Variants in CTNNA2 observed in about 807,000 individuals in gnomAD.
The protein encoded by CTNNA2 is catenin alpha 2, also known as catenin alpha-2.
A neutral mutation model predicts 101.0 loss-of-function variants in CTNNA2; 42 were observed. That is an observed-to-expected ratio of 0.42 (90% CI 0.32 to 0.54). The LOEUF is 0.54. Ranked by LOEUF, CTNNA2 falls within the 20% of genes least tolerant of loss-of-function variation. The probability of loss-of-function intolerance (pLI) is 0.14; values close to 1 mark genes in which losing one functional copy is unlikely to be tolerated. For synonymous variants in CTNNA2, 450 were observed against 456.4 expected (o/e 0.99, Z 0.18); for missense variants, 871 against 1,223.1 (o/e 0.71, Z 4.29).
intron 4 of CTNNA2, among the ~76,000 whole-genome samples, chr2:79,463,181 G>A (rs1256748117): frequency 6.6e-6 from 1 of 152,140 alleles, no homozygotes; most frequent in Non-Finnish European, 1.5e-5. Context: ...GGAGGCCGAG[G>A]CAGGAGGATC....
At chr2:80,086,096 A>G (rs1192203745) in intron 7 of CTNNA2, among the ~76,000 whole-genome samples, 1 of 152,108 alleles carries the variant, frequency 6.6e-6, no homozygotes, top group African/African-American at 2.4e-5. Context: ...ATAGAAGACA[A>G]TAAGGTGATT....
At chr2:79,926,272 A>T (rs892348467) in intron 7 of CTNNA2, among the ~76,000 whole-genome samples, 3 of 152,158 alleles carry the variant, frequency 2.0e-5, no homozygotes, top group Non-Finnish European at 2.9e-5. Context: ...TGTCTTATAG[A>T]GTACGATACT....
intron 4 of CTNNA2, among the ~76,000 whole-genome samples, chr2:79,406,776 A>G (rs886412536): frequency 6.6e-6 from 1 of 151,946 alleles, no homozygotes; most frequent in Non-Finnish European, 1.5e-5. Context: ...GAAACATCAC[A>G]TATCAACCTT....
chr2:80,126,948 C>G (rs1033857596), intron 7 of CTNNA2, among the ~76,000 whole-genome samples: 6 of 152,150 alleles, frequency 3.9e-5, no homozygotes, highest in African/African-American at 1.4e-4. Flanking sequence ...GAACTCTGTT[C>G]TGTGTTTCCT....
chr2:79,916,072 A>G (rs1245297853), intron 7 of CTNNA2, among the ~76,000 whole-genome samples: 1 of 152,172 alleles, frequency 6.6e-6, no homozygotes, highest in Non-Finnish European at 1.5e-5. Flanking sequence ...TATTATCTGG[A>G]TCTTCTCTTT....
chr2:79,598,879 G>A (rs10204587), intron 1 of CTNNA2, among the ~76,000 whole-genome samples: 21,649 of 152,060 alleles, frequency 0.14, 2,453 homozygotes, highest in African/African-American at 0.32. Context: ...TCATTGTCAT[G>A]CTCAAGGTCA....
At chr2:79,748,738 A>AAT (rs150312102) in intron 3 of CTNNA2, among the ~76,000 whole-genome samples, 2,894 of 150,594 alleles carry the variant, frequency 0.019, 64 homozygotes, top group South Asian at 0.072. Flanking sequence ...TTTATCATTA[A>AAT]ATATATATAT....
intron 3 of CTNNA2, among the ~76,000 whole-genome samples, chr2:79,745,061 CCT>C (rs1184808527): frequency 1.3e-5 from 2 of 152,284 alleles, no homozygotes; most frequent in East Asian, 3.9e-4. Context: ...AAATCAGCTA[CCT>C]CTCTAGCTAG....
intron 2 of CTNNA2, among the ~76,000 whole-genome samples, chr2:79,685,571 A>G (rs764090228): frequency 6.6e-6 from 1 of 152,128 alleles, no homozygotes; most frequent in African/African-American, 2.4e-5. Flanking sequence ...GAATATGTAC[A>G]CGGAGTCTAG....
intron 1 of CTNNA2, among the ~76,000 whole-genome samples, chr2:79,549,018 T>G (rs908537582): frequency 2.0e-5 from 3 of 152,214 alleles, no homozygotes; most frequent in Non-Finnish European, 4.4e-5. Flanking sequence ...TGCCGCTTAA[T>G]GGTTATGTGT....
At chr2:79,444,898 C>G (rs897209415) in intron 4 of CTNNA2, among the ~76,000 whole-genome samples, 1 of 152,056 alleles carries the variant, frequency 6.6e-6, no homozygotes, top group Admixed American at 6.6e-5. Flanking sequence ...AGAAATTACT[C>G]CTTCCTCAGA....
At chr2:79,955,580 T>C (rs972600371) in intron 7 of CTNNA2, among the ~76,000 whole-genome samples, 1 of 152,066 alleles carries the variant, frequency 6.6e-6, no homozygotes, top group African/African-American at 2.4e-5. Flanking sequence ...CATCAGAGAG[T>C]CTCGCTCTGT....
At chr2:79,827,634 G>C (rs975676184) in intron 3 of CTNNA2, among the ~76,000 whole-genome samples, 2 of 152,166 alleles carry the variant, frequency 1.3e-5, no homozygotes, top group East Asian at 3.9e-4. Flanking sequence ...CATTTACATA[G>C]AGACTTCTAC....
At chr2:79,824,161 G>T (rs1011598514) in intron 3 of CTNNA2, among the ~76,000 whole-genome samples, 1 of 152,160 alleles carries the variant, frequency 6.6e-6, no homozygotes, top group African/African-American at 2.4e-5. Context: ...ATAATGGTGA[G>T]TATATCAGAT....
rs1238782976 is a variant in CTNNA2, at chr2:79,280,663, A to AG, written c.-405-32046_-405-32045insG. ...TGTGTGTGTGTGTGTGTGTAAGAGA[A>AG]AGAGAGAGAGAGAGAGAGAGAAAGA... On this transcript the variant is annotated intron_variant, in intron 2 of 21. Transcript: ENST00000466387. 8.5e-4 allele frequency among the ~76,000 whole-genome samples: 42 copies of AG among 49,316 alleles called. 1 individual carries two copies. Among genetic ancestry groups the AG allele is most frequent in the Middle Eastern group, 0.018 (2 of 112 alleles). 32.4% of individuals were successfully genotyped at this position (49,316 alleles called of 152,430 possible).
rs985520307 is a variant in CTNNA2 at position 80,522,983 on chromosome 2, T to C, written c.1291-21999T>C. On this transcript the variant is annotated intron_variant, in intron 9 of 18. Coordinates refer to ENST00000402739, the MANE Select transcript of CTNNA2 (RefSeq NM_001282597.3). ...GGAATTCATGCATTTGGGGTGATTG[T>C]GCACTGCTCAATTGGAGCTATCAAC... Among the ~76,000 whole-genome samples the C allele has an allele frequency of 3.2e-4, 49 of 152,268 alleles. 1 individual carries two copies. Among genetic ancestry groups the C allele is most frequent in the Middle Eastern group, 3.4e-3 (1 of 294 alleles).
chr2:80,554,236 T>C (rs1288047835), intron 11 of CTNNA2, among the ~76,000 whole-genome samples: 1 of 151,698 alleles, frequency 6.6e-6, no homozygotes, highest in African/African-American at 2.4e-5. Context: ...CTGGATACTC[T>C]CTTTCTTTCT....
At chr2:80,520,490 A>C (rs559077435) in intron 9 of CTNNA2, among the ~76,000 whole-genome samples, 2 of 152,248 alleles carry the variant, frequency 1.3e-5, no homozygotes, top group African/African-American at 2.4e-5. Flanking sequence ...TGTGTTTCTC[A>C]CAGTTCTGGA....
chr2:79,213,696 G>A (rs12713980), intron 2 of CTNNA2, among the ~76,000 whole-genome samples: 92,204 of 152,030 alleles, frequency 0.61, 28,610 homozygotes, highest in South Asian at 0.67. Context: ...AGGGTCAGCT[G>A]TGGTATCCAG....
Sources: gnomAD v4.1 joint callset for allele counts (sites outside exome capture counted in the v4.1 genomes callset) on GRCh38, gnomAD v4.1.1 for gene constraint, MANE v1.5 for transcripts, NCBI Gene and HGNC (gene_info 2026-07-23, HGNC 2026-07-21) for gene names.